CPA6: variants seen among roughly 807,000 people sequenced by gnomAD.
CPA6 encodes the protein carboxypeptidase B.
CPA6 carries 58 observed loss-of-function variants against 63.3 expected under a neutral mutation model. The ratio of observed to expected loss-of-function variants is 0.92; its 90% CI spans 0.74 to 1.14. CPA6 has a LOEUF of 1.14. CPA6 is among the 50% of genes most tolerant of loss of function. The pLI is 0.00. For synonymous variants in CPA6, 185 were observed against 179.0 expected (o/e 1.03, Z -0.27); for missense variants, 565 against 526.6 (o/e 1.07, Z -0.71).
intron 1 of CPA6, among the ~76,000 whole-genome samples, chr8:67,660,519 T>TG (rs1563381527): frequency 6.9e-6 from 1 of 143,942 alleles, no homozygotes; most frequent in African/African-American, 2.6e-5. Context: ...TTTTTTTTTT[T>TG]GTAGAGATGA....
intron 2 of CPA6, among the ~76,000 whole-genome samples, chr8:67,553,235 T>C (rs1812989195): frequency 6.6e-6 from 1 of 152,172 alleles, no homozygotes; most frequent in Non-Finnish European, 1.5e-5. Context: ...AGAGAAGTGT[T>C]AAAATATAAA....
intron 7 of CPA6, among the ~76,000 whole-genome samples, chr8:67,484,192 C>G (rs1811423171): frequency 1.3e-5 from 2 of 152,140 alleles, no homozygotes; most frequent in African/African-American, 4.8e-5. Context: ...GCCTCAACCT[C>G]CCGAGTAGCT....
At chr8:67,558,771 T>C (rs917960368) in intron 2 of CPA6, among the ~76,000 whole-genome samples, 1 of 152,194 alleles carries the variant, frequency 6.6e-6, no homozygotes, top group African/African-American at 2.4e-5. Flanking sequence ...ACCAGGCAAA[T>C]GCACATCACA....
intron 2 of CPA6, among the ~76,000 whole-genome samples, chr8:67,524,103 T>G: frequency 6.6e-6 from 1 of 152,230 alleles, no homozygotes; most frequent in Middle Eastern, 3.2e-3. Flanking sequence ...CCTTATTTAC[T>G]CTTAAAATTC....
At chr8:67,459,023 C>T (rs1810739855) in intron 8 of CPA6, among the ~76,000 whole-genome samples, 1 of 152,198 alleles carries the variant, frequency 6.6e-6, no homozygotes, top group Non-Finnish European at 1.5e-5. Flanking sequence ...CCATATGATC[C>T]AGCAATTATG....
chr8:67,424,869 C>G (rs1309243436), intron 10 of CPA6, among the ~76,000 whole-genome samples: 1 of 152,234 alleles, frequency 6.6e-6, no homozygotes, highest in African/African-American at 2.4e-5. Context: ...GACAAGCCCT[C>G]TGGCTACTCT....
intron 1 of CPA6, among the ~76,000 whole-genome samples, chr8:67,743,901 C>CA (rs1295011372): frequency 2.0e-5 from 3 of 151,926 alleles, no homozygotes; most frequent in Middle Eastern, 3.2e-3. Flanking sequence ...TCATTAGTAG[C>CA]AAAAAACAAA....
intron 1 of CPA6, chr8:67,735,113 G>A (rs1221603773): frequency 6.6e-6 from 1 of 152,180 alleles, no homozygotes; most frequent in Non-Finnish European, 1.5e-5. Context: ...AAAGCAGGAA[G>A]AGTGTGTTGA....
At chr8:67,738,023 A>G (rs1412561901) in intron 1 of CPA6, among the ~76,000 whole-genome samples, 2 of 151,594 alleles carry the variant, frequency 1.3e-5, no homozygotes, top group African/African-American at 2.4e-5. Flanking sequence ...TCATTTATAG[A>G]AGAAAAAATG....
chr8:67,703,946 T>G (rs1016242389), intron 1 of CPA6, among the ~76,000 whole-genome samples: 3 of 152,164 alleles, frequency 2.0e-5, no homozygotes, highest in Non-Finnish European at 4.4e-5. Flanking sequence ...TTGTTGTTGT[T>G]GTTTTTGTTT....
chr8:67,497,726 C>G (rs1292853095), intron 6 of CPA6, among the ~76,000 whole-genome samples: 2 of 151,032 alleles, frequency 1.3e-5, no homozygotes, highest in Non-Finnish European at 2.9e-5. Context: ...GGGTCTTGCT[C>G]TGTTGCCCAC....
At chr8:67,518,742 C>T (rs1476480529) in intron 2 of CPA6, among the ~76,000 whole-genome samples, 1 of 151,980 alleles carries the variant, frequency 6.6e-6, no homozygotes, top group Admixed American at 6.6e-5. Flanking sequence ...AACTCCTGAC[C>T]TCAAGTGATC....
At chr8:67,617,026 T>A (rs1209574831) in intron 2 of CPA6, among the ~76,000 whole-genome samples, 5 of 152,202 alleles carry the variant, frequency 3.3e-5, no homozygotes, top group Non-Finnish European at 5.9e-5. Context: ...CCTTTTAATG[T>A]TTAACAATTA....
chr8:67,541,061 A>C (rs961759666), intron 2 of CPA6, among the ~76,000 whole-genome samples: 3 of 151,684 alleles, frequency 2.0e-5, no homozygotes, highest in Non-Finnish European at 4.4e-5. Flanking sequence ...TTTCTGTCTC[A>C]CTGGCATTCC....
intron 1 of CPA6, among the ~76,000 whole-genome samples, chr8:67,727,546 G>A (rs2623843): frequency 0.84 from 127,125 of 152,080 alleles, 53,395 homozygotes; most frequent in Admixed American, 0.88. Context: ...CCTCTCCCTC[G>A]GGCATCTCAA....
intron 2 of CPA6, among the ~76,000 whole-genome samples, chr8:67,567,017 C>G (rs750175935): frequency 6.6e-5 from 10 of 152,200 alleles, no homozygotes; most frequent in Non-Finnish European, 7.3e-5. Flanking sequence ...CACTAGCAAT[C>G]TGGACTATAA....
intron 2 of CPA6, among the ~76,000 whole-genome samples, chr8:67,549,655 C>A (rs1012804899): frequency 1.3e-5 from 2 of 152,172 alleles, no homozygotes; most frequent in African/African-American, 2.4e-5. Context: ...ATCTCTCCAG[C>A]CCCTGGAAAC....
At chr8:67,534,980 C>T (rs113665875) in intron 2 of CPA6, among the ~76,000 whole-genome samples, 13,849 of 151,640 alleles carry the variant, frequency 0.091, 1,634 homozygotes, top group African/African-American at 0.27. Context: ...TCTGTTCCTG[C>T]GTTAGACTGC....
chr8:67,689,909 C>G (rs1816781928), intron 1 of CPA6, among the ~76,000 whole-genome samples: 1 of 152,160 alleles, frequency 6.6e-6, no homozygotes. Flanking sequence ...ATAAGCATTC[C>G]CTTTTCTCTA....
Sources: gnomAD v4.1 joint callset for allele counts (sites outside exome capture counted in the v4.1 genomes callset) on GRCh38, gnomAD v4.1.1 for gene constraint, MANE v1.5 for transcripts, NCBI Gene and HGNC (gene_info 2026-07-23, HGNC 2026-07-21) for gene names.